Variants in VPS29 observed in about 807,000 individuals in gnomAD.
VPS29 encodes vacuolar protein sorting-associated protein 29.
A neutral mutation model predicts 20.0 loss-of-function variants in VPS29; 2 were observed. The observed-to-expected ratio is 0.10, with a 90% confidence interval of 0.04 to 0.31. The LOEUF (loss-of-function observed/expected upper bound fraction) is 0.31. Among genes scored for constraint, VPS29 ranks in the 10% least tolerant of loss-of-function variants. The pLI is 1.00. For synonymous variants in VPS29, 81 were observed against 79.3 expected (o/e 1.02, Z -0.12); for missense variants, 120 against 215.3 (o/e 0.56, Z 2.77).
intron 1 of VPS29, among the ~76,000 whole-genome samples, chr12:110,500,302 A>C (rs145591341): frequency 6.6e-6 from 1 of 152,340 alleles, no homozygotes; most frequent in Non-Finnish European, 1.5e-5. Context: ...GCTAATGCTA[A>C]ATTTTTCCCA....
rs772975372 is a variant in VPS29 at position 110,491,971 on chromosome 12, A to G, written c.*34T>C. 6.4e-5 allele frequency: 100 copies of G among 1,567,316 alleles called. 1 individual carries two copies. In the South Asian group the frequency reaches 8.2e-4, roughly 13 times the overall value. ...TTACTTGATTTCAACAGGACAATGAAAAAAAACCAAAAATCATCAAGACAG... is the reference window on the plus strand; with the variant it reads ...TTACTTGATTTCAACAGGACAATGAGAAAAAACCAAAAATCATCAAGACAG... On this transcript the variant is annotated 3_prime_UTR_variant, in exon 4 of 4. Coordinates refer to ENST00000549578, the MANE Select transcript of VPS29 (RefSeq NM_016226.5).
At chr12:110,499,635 G>C in intron 1 of VPS29, 22 of 845,474 alleles carry the variant, frequency 2.6e-5, no homozygotes, top group Admixed American at 3.0e-5. Context: ...GCAACAAAAA[G>C]AAACCAAAAA....
intron 1 of VPS29, chr12:110,499,408 A>T (rs1339358150): frequency 7.3e-7 from 1 of 1,368,800 alleles, no homozygotes; most frequent in African/African-American, 1.5e-5. Flanking sequence ...TAAAATAAAG[A>T]GCCAACCCAA....
At chr12:110,493,986 A>G (rs1050489379) in intron 2 of VPS29, among the ~76,000 whole-genome samples, 2 of 152,124 alleles carry the variant, frequency 1.3e-5, no homozygotes, top group African/African-American at 4.8e-5. Flanking sequence ...GGTTTTACAA[A>G]TATCAACTTA....
At chr12:110,495,878 T>TAG in intron 2 of VPS29, 134 bp downstream of exon 2, 1 of 769,538 alleles carries the variant, frequency 1.3e-6, no homozygotes, top group Non-Finnish European at 1.9e-6. Flanking sequence ...TGTATAGTAA[T>TAG]TTTACATTTG....
rs2062816948 is a variant in VPS29 at position 110,491,508 on chromosome 12, A to G, written c.*497T>C. Reference sequence around the variant, plus strand: ...AATCTGAGTCCAACATTATGACACAATGTAAGAGAAGAGCTCTGAAAGGTC... The same window carrying G: ...AATCTGAGTCCAACATTATGACACAGTGTAAGAGAAGAGCTCTGAAAGGTC... On this transcript the variant is annotated 3_prime_UTR_variant, in exon 4 of 4. Transcript: ENST00000549578. 1 of 153,254 alleles carries G rather than the reference A, an allele frequency of 6.5e-6. No individual in the cohort carries two copies. Among genetic ancestry groups the G allele is most frequent in the South Asian group, 2.0e-4 (1 of 4,886 alleles). 9.5% of individuals were successfully genotyped at this position (153,254 alleles called of 1,614,324 possible). A position where few individuals can be genotyped will look rare whatever the true frequency, so the allele number is the denominator to read the frequency against.
chr12:110,491,386 G>C lies in VPS29; in HGVS notation c.*619C>G, dbSNP rs2062815998. The C allele has an allele frequency of 6.6e-6, 1 of 152,138 alleles. No homozygotes were observed. Among genetic ancestry groups the C allele is most frequent in the Non-Finnish European group, 1.5e-5 (1 of 68,144 alleles). 9.4% of individuals were successfully genotyped at this position (152,138 alleles called of 1,614,324 possible). A position where few individuals can be genotyped will look rare whatever the true frequency, so the allele number is the denominator to read the frequency against. ...GCCACTGTGCCCGGCCCCTAAACTT[G>C]TATTTTTAAAACTTTTATTAAACCT... On this transcript the variant is annotated 3_prime_UTR_variant, in exon 4 of 4. Coordinates refer to ENST00000549578, the MANE Select transcript of VPS29 (RefSeq NM_016226.5).
In VPS29 at chr12:110,493,115, C is replaced by A; in HGVS notation, c.312G>T (p.Arg104Ser). 6.2e-7 allele frequency: 1 copy of A among 1,613,994 alleles called. No homozygotes were observed. Among genetic ancestry groups the A allele is most frequent in the Non-Finnish European group, 8.5e-7 (1 of 1,179,980 alleles). Residue 104 changes from arginine (R) to serine (S), a missense_variant, in exon 3 of 4, where the codon AGG (arginine) becomes AGT (serine). Arg to Ser is a moderately radical substitution (Grantham distance 110). Coordinates refer to ENST00000549578, the MANE Select transcript of VPS29 (RefSeq NM_016226.5). The stretch of plus-strand genomic sequence containing the variant: ...AGATAAGAATGTCCACATCAAATTG[C>A]CTCTGCAACAGGGCTAAGCTGGCCA... ...GDMASLALLQRQFDVDILISG... is the reference protein window; with the variant it reads ...GDMASLALLQSQFDVDILISG...
intron 1 of VPS29, chr12:110,501,704 C>A (rs1440705883): frequency 1.5e-6 from 2 of 1,341,526 alleles, no homozygotes; most frequent in South Asian, 1.3e-5. Flanking sequence ...AACGGAGGAC[C>A]GTGCCCCTAT....
intron 2 of VPS29, among the ~76,000 whole-genome samples, chr12:110,495,253 T>C (rs2135577199): frequency 6.6e-6 from 1 of 152,046 alleles, no homozygotes; most frequent in East Asian, 1.9e-4. Context: ...AGCAGAGAAG[T>C]GATGTGATCT....
chr12:110,494,251 A>T (rs1355595868), intron 2 of VPS29, among the ~76,000 whole-genome samples: 2 of 139,970 alleles, frequency 1.4e-5, no homozygotes, highest in East Asian at 2.0e-4. Context: ...ATATGTATAA[A>T]TTTTTTTTTT....
chr12:110,501,548 T>G, intron 1 of VPS29: 1 of 1,535,404 alleles, frequency 6.5e-7, no homozygotes, highest in South Asian at 1.2e-5. Context: ...GAGGGTGGTT[T>G]ATTCCCTTTC....
intron 3 of VPS29, among the ~76,000 whole-genome samples, chr12:110,492,599 TTTTATTTATTTATTTA>T (rs58647450): frequency 8.9e-4 from 118 of 132,364 alleles, no homozygotes; most frequent in Middle Eastern, 7.4e-3. Flanking sequence ...TTTATTTTTA[TTTTATTTATTTATTTA>T]TTTATTTATT....
chr12:110,498,417 A>G (rs1242832508), intron 1 of VPS29, among the ~76,000 whole-genome samples: 3 of 152,238 alleles, frequency 2.0e-5, no homozygotes, highest in African/African-American at 7.2e-5. Context: ...TATCAAAGAA[A>G]CCATTAAATA....
intron 1 of VPS29, among the ~76,000 whole-genome samples, chr12:110,498,572 A>G (rs921314367): frequency 6.6e-6 from 1 of 152,234 alleles, no homozygotes; most frequent in Non-Finnish European, 1.5e-5. Context: ...TTGCAAAGAA[A>G]AGGAACCGTT....
rs1280108281 is a variant in VPS29 at position 110,492,139 on chromosome 12, A to G, written c.432-17T>C. The G allele has an allele frequency of 1.3e-6, 2 of 1,567,222 alleles. No homozygotes were observed. The highest frequency in any genetic ancestry group is 1.8e-6 in the Non-Finnish European group (2 of 1,142,670). On this transcript the variant is annotated splice_polypyrimidine_tract_variant and intron_variant, in intron 3 of 3. Transcript: ENST00000549578. Reference sequence around the variant, plus strand: ...ATAATGTTTCTAGAAGAAAAAATAAATAATGTCAGTGTTTTGTAGCACAAA... The same window carrying G: ...ATAATGTTTCTAGAAGAAAAAATAAGTAATGTCAGTGTTTTGTAGCACAAA...
chr12:110,494,189 A>G (rs962572879), intron 2 of VPS29, among the ~76,000 whole-genome samples: 3 of 152,086 alleles, frequency 2.0e-5, no homozygotes, highest in African/African-American at 7.2e-5. Context: ...AACCCCATTA[A>G]ATAACACAAA....
At chr12:110,494,183 C>G (rs1428370283) in intron 2 of VPS29, among the ~76,000 whole-genome samples, 2 of 151,802 alleles carry the variant, frequency 1.3e-5, no homozygotes, top group Non-Finnish European at 2.9e-5. Context: ...TTAAGGAACC[C>G]CATTAAATAA....
chr12:110,495,348 A>C lies in VPS29; in HGVS notation c.195+664T>G, dbSNP rs116103820. Among the ~76,000 whole-genome samples the C allele has an allele frequency of 8.9e-3, 1,358 of 152,336 alleles. 24 individuals are homozygous for C. Among genetic ancestry groups the C allele is most frequent in the African/African-American group, 0.029 (1,213 of 41,576 alleles). ...GGGTAGAATTAGGAAGTTGGAATACAAGAAAATGATACAGTGGCTTGGAAT... is the reference window on the plus strand; with the variant it reads ...GGGTAGAATTAGGAAGTTGGAATACCAGAAAATGATACAGTGGCTTGGAAT... On this transcript the variant is annotated intron_variant, in intron 2 of 3. Coordinates refer to ENST00000549578, the MANE Select transcript of VPS29 (RefSeq NM_016226.5).
Sources: allele counts gnomAD v4.1 joint callset (sites outside exome capture counted in the v4.1 genomes callset), GRCh38; gene constraint gnomAD v4.1.1; transcripts MANE v1.5; gene names NCBI Gene and HGNC (gene_info 2026-07-23, HGNC 2026-07-21).